Variants in MDGA2 observed in about 807,000 individuals in gnomAD.
The protein encoded by MDGA2 is MAM domain containing glycosylphosphatidylinositol anchor 2.
MDGA2 carries 40 observed loss-of-function variants against 117.8 expected under a neutral mutation model. That is an observed-to-expected ratio of 0.34 (90% confidence interval 0.26 to 0.44). The LOEUF (loss-of-function observed/expected upper bound fraction) is 0.44, where lower values mean the gene tolerates loss of function less well. Among genes scored for constraint, MDGA2 ranks in the 20% least tolerant of loss-of-function variants. The pLI is 1.00. For synonymous variants in MDGA2, 452 were observed against 439.0 expected (o/e 1.03, Z -0.37); for missense variants, 1,123 against 1,250.6 (o/e 0.90, Z 1.54).
At chr14:46,921,993 T>C (rs1386818661) in intron 9 of MDGA2, among the ~76,000 whole-genome samples, 2 of 152,128 alleles carry the variant, frequency 1.3e-5, no homozygotes, top group African/African-American at 4.8e-5. Flanking sequence ...TAAGGGTGAT[T>C]GATTCAGTTC....
intron 10 of MDGA2, among the ~76,000 whole-genome samples, chr14:46,886,110 T>G (rs148657891): frequency 6.6e-6 from 1 of 152,288 alleles, no homozygotes; most frequent in East Asian, 1.9e-4. Context: ...AAATTGTCTT[T>G]CAAACATGTG....
intron 3 of MDGA2, among the ~76,000 whole-genome samples, chr14:47,198,156 A>T (rs1885357259): frequency 6.6e-6 from 1 of 152,188 alleles, no homozygotes; most frequent in Admixed American, 6.5e-5. Context: ...ATTTGCATTG[A>T]ATTACTTTTG....
At chr14:47,537,564 TTCTC>T (rs943208457) in intron 1 of MDGA2, among the ~76,000 whole-genome samples, 2 of 108,138 alleles carry the variant, frequency 1.8e-5, no homozygotes, top group Non-Finnish European at 3.5e-5. Flanking sequence ...CACTGTTACC[TTCTC>T]TCTGTTAAAA....
intron 1 of MDGA2, among the ~76,000 whole-genome samples, chr14:47,399,348 T>G (rs947938953): frequency 6.6e-6 from 1 of 151,950 alleles, no homozygotes; most frequent in Non-Finnish European, 1.5e-5. Flanking sequence ...CCCACAGAAA[T>G]TGCAAAATGG....
chr14:47,636,784 C>CAAAAAAAAAAA (rs56313968), intron 1 of MDGA2, among the ~76,000 whole-genome samples: 4 of 46,002 alleles, frequency 8.7e-5, no homozygotes, highest in South Asian at 1.5e-3. Context: ...GACTCCGTCT[C>CAAAAAAAAAAA]AAAAAAAAAA....
intron 11 of MDGA2, among the ~76,000 whole-genome samples, chr14:46,880,142 T>A (rs950354935): frequency 4.0e-5 from 6 of 151,368 alleles, no homozygotes; most frequent in Admixed American, 6.6e-5. Context: ...AGGCTGCCCA[T>A]GGAGAAACCC....
chr14:46,997,453 G>C (rs1356475975), intron 8 of MDGA2, among the ~76,000 whole-genome samples: 1 of 152,140 alleles, frequency 6.6e-6, no homozygotes, highest in Non-Finnish European at 1.5e-5. Flanking sequence ...AGGTTAGATG[G>C]AAGAAAAGTG....
At chr14:47,332,151 T>C (rs146030554) in intron 1 of MDGA2, among the ~76,000 whole-genome samples, 8 of 152,156 alleles carry the variant, frequency 5.3e-5, no homozygotes, top group African/African-American at 1.2e-4. Context: ...TAAACTTCTT[T>C]AACTCTCTGT....
chr14:47,664,696 A>G (rs1057295747), intron 1 of MDGA2, among the ~76,000 whole-genome samples: 1 of 152,224 alleles, frequency 6.6e-6, no homozygotes, highest in Admixed American at 6.5e-5. Context: ...TCTTTTCACA[A>G]GGGCAATGCC....
intron 7 of MDGA2, among the ~76,000 whole-genome samples, chr14:47,036,999 T>C (rs1204060485): frequency 6.6e-6 from 1 of 152,220 alleles, no homozygotes; most frequent in East Asian, 1.9e-4. Flanking sequence ...ATTAACAAAA[T>C]ATATGTTTAA....
intron 1 of MDGA2, among the ~76,000 whole-genome samples, chr14:47,588,253 TATATATATACAC>T (rs979147321): frequency 5.3e-5 from 5 of 94,320 alleles, no homozygotes; most frequent in African/African-American, 1.7e-4. Context: ...TATATATATA[TATATATATACAC>T]ACACACACAC....
chr14:46,845,515 T>A (rs977229758), intron 16 of MDGA2, among the ~76,000 whole-genome samples: 3 of 152,206 alleles, frequency 2.0e-5, no homozygotes, highest in Non-Finnish European at 4.4e-5. Flanking sequence ...TAATTAAAAA[T>A]CAAAGTGTAC....
At chr14:47,424,496 A>T (rs1478006932) in intron 1 of MDGA2, among the ~76,000 whole-genome samples, 2 of 152,084 alleles carry the variant, frequency 1.3e-5, no homozygotes, top group African/African-American at 4.8e-5. Flanking sequence ...TACTCCACCA[A>T]CATCTTCTCA....
intron 1 of MDGA2, among the ~76,000 whole-genome samples, chr14:47,505,116 C>A (rs1894484045): frequency 6.6e-6 from 1 of 152,034 alleles, no homozygotes; most frequent in Non-Finnish European, 1.5e-5. Flanking sequence ...AAAGCAAATA[C>A]CACATAATCT....
At position 47,510,969 on chromosome 14, in the gene MDGA2, C is replaced by T. The variant is rs573605386; in HGVS notation, c.280+163548G>A. ...TATCTTGGCAAAAACAGCCTTACCTCTACAAGTTGTTGTTCTCTATTCTGT... is the reference window on the plus strand; with the variant it reads ...TATCTTGGCAAAAACAGCCTTACCTTTACAAGTTGTTGTTCTCTATTCTGT... On this transcript the variant is annotated intron_variant, in intron 1 of 16. Coordinates refer to ENST00000399232, the MANE Select transcript of MDGA2 (RefSeq NM_001113498.3). Among the ~76,000 whole-genome samples the T allele has an allele frequency of 5.6e-4, 85 of 152,302 alleles. 1 individual carries two copies. The highest frequency in any genetic ancestry group is 1.1e-3 in the Non-Finnish European group (78 of 68,024).
chr14:46,930,741 C>A (rs1884537668), intron 9 of MDGA2, among the ~76,000 whole-genome samples: 2 of 152,098 alleles, frequency 1.3e-5, no homozygotes, highest in Non-Finnish European at 2.9e-5. Context: ...TACAATACCT[C>A]CATGAAATGA....
chr14:47,074,276 T>A lies in MDGA2; in HGVS notation c.1196-12698A>T, dbSNP rs370153340. 4.4e-4 allele frequency among the ~76,000 whole-genome samples: 67 copies of A among 152,068 alleles called. No individual in the cohort carries two copies. The South Asian group carries it at 7.1e-3, about 16-fold the overall frequency. Reference sequence around the variant, plus strand: ...AAATCACTCACTTTTAACCTCTCAATAGTTTTGATTCTCACCAGTAACAGA... The same window carrying A: ...AAATCACTCACTTTTAACCTCTCAAAAGTTTTGATTCTCACCAGTAACAGA... On this transcript the variant is annotated intron_variant, in intron 6 of 16. Coordinates refer to ENST00000399232, the MANE Select transcript of MDGA2 (RefSeq NM_001113498.3).
chr14:47,304,801 C>T (rs1889390944), intron 1 of MDGA2, among the ~76,000 whole-genome samples: 1 of 152,128 alleles, frequency 6.6e-6, no homozygotes, highest in African/African-American at 2.4e-5. Context: ...TCTGTAATAT[C>T]AGGCTATCCT....
intron 1 of MDGA2, among the ~76,000 whole-genome samples, chr14:47,584,581 G>A (rs543566112): frequency 6.6e-5 from 10 of 151,716 alleles, no homozygotes; most frequent in African/African-American, 2.4e-4. Context: ...CTATGGCACT[G>A]ATTCAGAAAT....
Sources: allele counts gnomAD v4.1 joint callset (sites outside exome capture counted in the v4.1 genomes callset), GRCh38; gene constraint gnomAD v4.1.1; transcripts MANE v1.5; gene names NCBI Gene and HGNC (gene_info 2026-07-23, HGNC 2026-07-21).